Variants in DNAH9 observed in about 807,000 individuals in gnomAD.
DNAH9 encodes the protein DNAH9 variant protein.
DNAH9 carries 345 observed loss-of-function variants against 471.6 expected under a neutral mutation model. That is an observed-to-expected ratio of 0.73 (90% CI 0.67 to 0.80). The LOEUF (loss-of-function observed/expected upper bound fraction) is 0.80, where lower values mean the gene tolerates loss of function less well. DNAH9 is among the 30% of genes least tolerant of loss of function. The pLI is 0.00. For missense variants in DNAH9, 5,407 were observed against 5,609.2 expected (o/e 0.96, Z 1.15); for synonymous variants, 2,093 against 2,123.6 (o/e 0.99, Z 0.40).
intron 20 of DNAH9, among the ~76,000 whole-genome samples, chr17:11,692,689 T>C (rs938436300): frequency 6.6e-6 from 1 of 151,958 alleles, no homozygotes; most frequent in African/African-American, 2.4e-5. Flanking sequence ...CTTTTTTTTT[T>C]CTCTCATTCT....
intron 35 of DNAH9, among the ~76,000 whole-genome samples, chr17:11,761,677 A>G (rs1289547246): frequency 3.3e-5 from 5 of 150,012 alleles, no homozygotes; most frequent in East Asian, 2.0e-4. Flanking sequence ...CCCACTCTCC[A>G]CTGGGAGATC....
In DNAH9 at chr17:11,769,007, T is replaced by C. The variant is rs943749451; in HGVS notation, c.7345-115T>C. On this transcript the variant is annotated intron_variant, in intron 37 of 68. Coordinates refer to ENST00000262442, the MANE Select transcript of DNAH9 (RefSeq NM_001372.4). ...GAAGATACTCCTGACCGGTGCTTATTTGGGGAGCTCCATCGTGACGGAATC... is the reference window on the plus strand; with the variant it reads ...GAAGATACTCCTGACCGGTGCTTATCTGGGGAGCTCCATCGTGACGGAATC... 46 of 1,068,260 alleles carry C rather than the reference T, an allele frequency of 4.3e-5. No individual in the cohort carries two copies. In the African/African-American group the frequency reaches 5.1e-4, roughly 12 times the overall value. 66.2% of individuals were successfully genotyped at this position (1,068,260 alleles called of 1,614,324 possible).
intron 36 of DNAH9, among the ~76,000 whole-genome samples, chr17:11,766,654 C>T (rs140677081): frequency 1.3e-5 from 2 of 152,242 alleles, no homozygotes; most frequent in African/African-American, 2.4e-5. Flanking sequence ...GAAGAGATAC[C>T]ATGGAGTGGA....
Position 11,913,111 on chromosome 17 carries a change from T to G in DNAH9, c.11749+7302T>G, listed in dbSNP as rs551482603. Among the ~76,000 whole-genome samples, 28 of 152,196 alleles carry G rather than the reference T, an allele frequency of 1.8e-4. No homozygotes were observed. The East Asian group carries it at 5.2e-3, about 28-fold the overall frequency. On this transcript the variant is annotated intron_variant, in intron 61 of 68. Coordinates refer to ENST00000262442, the MANE Select transcript of DNAH9 (RefSeq NM_001372.4). Reference sequence around the variant, plus strand: ...TGAACCTGGGAGGTGGAGGTTGCAGTGAGCCAAGGTTACACCACTGCACTC... The same window carrying G: ...TGAACCTGGGAGGTGGAGGTTGCAGGGAGCCAAGGTTACACCACTGCACTC...
chr17:11,783,514 C>T, intron 39 of DNAH9, 132 bp from the exon 40 acceptor site: 1 of 583,704 alleles, frequency 1.7e-6, no homozygotes, highest in Non-Finnish European at 3.0e-6. Context: ...CTTCTCAATC[C>T]CTGCCGGTGG....
chr17:11,772,505 C>T (rs148039765), intron 38 of DNAH9, among the ~76,000 whole-genome samples: 1 of 152,086 alleles, frequency 6.6e-6, no homozygotes, highest in African/African-American at 2.4e-5. Context: ...CTCTCTCACC[C>T]AGGCTGGAGT....
chr17:11,807,772 G>C lies in DNAH9; in HGVS notation c.8461G>C (p.Ala2821Pro). The C allele has an allele frequency of 6.2e-7, 1 of 1,613,612 alleles. No individual in the cohort carries two copies. Among genetic ancestry groups the C allele is most frequent in the Non-Finnish European group, 8.5e-7 (1 of 1,179,606 alleles). Reference protein sequence around the residue: ...NRILESPRGNALLVGVGGSGK... With the variant: ...NRILESPRGNPLLVGVGGSGK... ...CATCTTGGAGTCCCCGCGGGGAAAT[G>C]CTCTGCTGGTTGGTGTAGGTGGGAG... The change falls in exon 44 of 69, where the codon GCT (alanine) becomes CCT (proline). Residue 2821 changes from alanine (A) to proline (P), a missense_variant. By Grantham distance (27) the Ala-to-Pro change is conservative. Coordinates refer to ENST00000262442, the MANE Select transcript of DNAH9 (RefSeq NM_001372.4).
At chr17:11,790,049 A>G (rs1239406748) in intron 41 of DNAH9, among the ~76,000 whole-genome samples, 1 of 151,444 alleles carries the variant, frequency 6.6e-6, no homozygotes, top group African/African-American at 2.4e-5. Flanking sequence ...GTCAGAAGAC[A>G]CTCTATATGG....
At chr17:11,917,495 T>C (rs1385575076) in intron 61 of DNAH9, among the ~76,000 whole-genome samples, 1 of 152,112 alleles carries the variant, frequency 6.6e-6, no homozygotes, top group African/African-American at 2.4e-5. Flanking sequence ...CCATCCACCC[T>C]CACTGTTTTC....
At chr17:11,913,076 G>A (rs1045397386) in intron 61 of DNAH9, among the ~76,000 whole-genome samples, 1 of 152,160 alleles carries the variant, frequency 6.6e-6, no homozygotes, top group African/African-American at 2.4e-5. Context: ...GCTGAGGCAA[G>A]AGAATTGCTT....
chr17:11,808,240 T>A (rs986570578), intron 44 of DNAH9, among the ~76,000 whole-genome samples: 10 of 152,180 alleles, frequency 6.6e-5, no homozygotes, highest in African/African-American at 1.9e-4. Flanking sequence ...TGCTTGAGTT[T>A]CCTAAGAAAT....
At chr17:11,754,601 A>G (rs1430194960) in intron 33 of DNAH9, among the ~76,000 whole-genome samples, 1 of 152,108 alleles carries the variant, frequency 6.6e-6, no homozygotes, top group African/African-American at 2.4e-5. Context: ...TTTTTTTCAT[A>G]TGCTTTTTGG....
intron 61 of DNAH9, among the ~76,000 whole-genome samples, chr17:11,921,770 C>T (rs1438557650): frequency 6.6e-6 from 1 of 152,204 alleles, no homozygotes; most frequent in African/African-American, 2.4e-5. Flanking sequence ...TTTCTTTCTT[C>T]TCCGCCTCAT....
chr17:11,880,397 G>A (rs1315016636), intron 54 of DNAH9, among the ~76,000 whole-genome samples, 197 bp downstream of exon 54: 1 of 152,156 alleles, frequency 6.6e-6, no homozygotes, highest in Non-Finnish European at 1.5e-5. Context: ...GTTTCCTGGA[G>A]AAACTTTGCT....
intron 28 of DNAH9, among the ~76,000 whole-genome samples, chr17:11,733,062 A>G (rs2075293585): frequency 6.6e-6 from 1 of 152,252 alleles, no homozygotes; most frequent in Non-Finnish European, 1.5e-5. Context: ...AAATGTTAAA[A>G]TGTTTAAAAA....
chr17:11,803,274 A>T (rs1969536109), intron 43 of DNAH9, among the ~76,000 whole-genome samples: 4 of 152,110 alleles, frequency 2.6e-5, no homozygotes, highest in Non-Finnish European at 4.4e-5. Flanking sequence ...TCACTCCCAC[A>T]TATATTTTCT....
chr17:11,842,659 G>A (rs1196086267), intron 49 of DNAH9, among the ~76,000 whole-genome samples: 1 of 152,178 alleles, frequency 6.6e-6, no homozygotes, highest in Non-Finnish European at 1.5e-5. Context: ...GGCGTCTGAT[G>A]TTAGAGGGCA....
At chr17:11,830,226 C>G (rs1403437869) in intron 48 of DNAH9, among the ~76,000 whole-genome samples, 1 of 152,230 alleles carries the variant, frequency 6.6e-6, no homozygotes, top group African/African-American at 2.4e-5. Flanking sequence ...GCCTGGTCCC[C>G]CTTTCCTGAG....
chr17:11,643,596 A>G (rs1270373100), intron 10 of DNAH9, among the ~76,000 whole-genome samples: 1 of 152,238 alleles, frequency 6.6e-6, no homozygotes, highest in Non-Finnish European at 1.5e-5. Context: ...TATTTACACA[A>G]ACCTATGTCT....
Sources: allele counts gnomAD v4.1 joint callset (sites outside exome capture counted in the v4.1 genomes callset), GRCh38; gene constraint gnomAD v4.1.1; transcripts MANE v1.5; gene names NCBI Gene and HGNC (gene_info 2026-07-23, HGNC 2026-07-21).